The following POLDIP2 variants were observed in gnomAD, a reference collection of about 807,000 sequenced individuals.
The protein encoded by POLDIP2 is polymerase delta-interacting protein 2.
In POLDIP2, 32 loss-of-function variants were observed where a neutral mutation model predicts 52.9. That is an observed-to-expected ratio of 0.61 (90% CI 0.46 to 0.81). POLDIP2 has a LOEUF of 0.81. Ranked by LOEUF, POLDIP2 falls within the 40% of genes least tolerant of loss-of-function variation. POLDIP2 has a pLI of 0.00. For synonymous variants in POLDIP2, 183 were observed against 183.0 expected, an observed-to-expected ratio of 1.00 and a Z score of 0.00; for missense variants, 371 against 477.3, an observed-to-expected ratio of 0.78 and a Z score of 2.07.
intron 6 of POLDIP2, among the ~76,000 whole-genome samples, 167 bp downstream of exon 6, chr17:28,352,745 G>C (rs187384321): frequency 1.4e-3 from 208 of 151,580 alleles, no homozygotes; most frequent in African/African-American, 4.7e-3. Context: ...CACCAGGTTG[G>C]CCAGGCCAGT....
chr17:28,356,681 C>T (rs1476642099), intron 1 of POLDIP2, among the ~76,000 whole-genome samples: 2 of 152,202 alleles, frequency 1.3e-5, no homozygotes, highest in Non-Finnish European at 2.9e-5. Flanking sequence ...TCTAGGGGCC[C>T]TTCAAATAAA....
At chr17:28,353,519 T>TAAAAAAAAAAA (rs1907896045) in intron 4 of POLDIP2, among the ~76,000 whole-genome samples, 176 bp downstream of exon 4, 1 of 1,794 alleles carries the variant, frequency 5.6e-4, no homozygotes, top group Non-Finnish European at 8.9e-4. Context: ...AGACTCCATA[T>TAAAAAAAAAAA]CAAAAAAAAA....
intron 1 of POLDIP2, among the ~76,000 whole-genome samples, chr17:28,356,140 C>T (rs547151161): frequency 2.4e-4 from 36 of 151,932 alleles, no homozygotes; most frequent in African/African-American, 8.2e-4. Flanking sequence ...TCACACTCTG[C>T]TCAAATGTAC....
In POLDIP2 at chr17:28,348,025, C is replaced by G. The variant is rs1050827441; in HGVS notation, c.*92G>C. On this transcript the variant is annotated 3_prime_UTR_variant, in exon 11 of 11. Coordinates refer to ENST00000540200, the MANE Select transcript of POLDIP2 (RefSeq NM_015584.5). ...ATCAAATTAAGAGACCCACTGTGGCCCATGATGGGGAGAGAAGAGTTCTGC... is the reference window on the plus strand; with the variant it reads ...ATCAAATTAAGAGACCCACTGTGGCGCATGATGGGGAGAGAAGAGTTCTGC... 1.4e-6 allele frequency: 1 copy of G among 735,240 alleles called. No homozygotes were observed. The highest frequency in any genetic ancestry group is 1.8e-5 in the African/African-American group (1 of 56,662). The allele number at this position is 735,240 out of a possible 1,614,324, so 45.5% of individuals were successfully genotyped here. A position where few individuals can be genotyped will look rare whatever the true frequency, so the allele number is the denominator to read the frequency against.
At chr17:28,357,178 A>G in intron 1 of POLDIP2, 110 bp downstream of exon 1, 1 of 1,051,576 alleles carries the variant, frequency 9.5e-7, no homozygotes, top group Non-Finnish European at 1.3e-6. Context: ...CTCCCGGGTC[A>G]AACTCCAGTC....
Position 28,354,518 on chromosome 17 carries a change from T to A in POLDIP2, c.311A>T (p.Asp104Val), listed in dbSNP as rs868926006. 1.9e-6 allele frequency: 3 copies of A among 1,560,038 alleles called. No homozygotes were observed. Among genetic ancestry groups the A allele is most frequent in the African/African-American group, 1.4e-5 (1 of 73,454 alleles). Reference sequence around the variant, plus strand: ...TGGAGCTGCAGAAGCCACATCCCGGTCATACAGTCTGGCCTGCCAGGGAAA... The same window carrying A: ...TGGAGCTGCAGAAGCCACATCCCGGACATACAGTCTGGCCTGCCAGGGAAA... ...VLFPWQARLYDRDVASAAPEK... is the reference protein window; with the variant it reads ...VLFPWQARLYVRDVASAAPEK... Residue 104 changes from aspartate (D) to valine (V), a missense_variant, in exon 3 of 11, where the codon GAC becomes GTC. Asp to Val is a radical substitution (Grantham distance 152, BLOSUM62 -3). Coordinates refer to ENST00000540200, the MANE Select transcript of POLDIP2 (RefSeq NM_015584.5).
chr17:28,352,911 C>A lies in POLDIP2; in HGVS notation c.622+1G>T. 1 of 1,566,996 alleles carries A rather than the reference C, an allele frequency of 6.4e-7. No homozygotes were observed. The highest frequency in any genetic ancestry group is 8.8e-7 in the Non-Finnish European group (1 of 1,137,670). ...CACCTCCCCTTCTTGAGAGAGATTA[C>A]CTTTTGTCTGGTCATACAGAAGAAA... On this transcript the variant is annotated splice_donor_variant, in intron 6 of 10. Transcript: ENST00000540200. LOFTEE classifies it high-confidence loss of function.
At chr17:28,352,632 G>A (rs1907850768) in intron 6 of POLDIP2, among the ~76,000 whole-genome samples, 1 of 148,830 alleles carries the variant, frequency 6.7e-6, no homozygotes, top group African/African-American at 2.5e-5. Context: ...CCACCCTCCT[G>A]GGTTCAAGTG....
Position 28,355,241 on chromosome 17 carries a change from T to C in POLDIP2, c.243+554A>G, listed in dbSNP as rs544736275. On this transcript the variant is annotated intron_variant, in intron 2 of 10. Coordinates refer to ENST00000540200, the MANE Select transcript of POLDIP2 (RefSeq NM_015584.5). ...ATAGTCCACACCATCCCTGTCCACA[T>C]TAACTTGGAAAGAGAACCCACTGAC... is the stretch of plus-strand genomic sequence containing the variant. Among the ~76,000 whole-genome samples the C allele has an allele frequency of 2.6e-5, 4 of 152,342 alleles. No individual in the cohort carries two copies. The South Asian group carries it at 8.3e-4, about 32-fold the overall frequency.
intron 2 of POLDIP2, among the ~76,000 whole-genome samples, chr17:28,355,130 A>G (rs1219533947): frequency 1.3e-5 from 2 of 152,238 alleles, no homozygotes; most frequent in East Asian, 3.8e-4. Flanking sequence ...AAAGCATCAA[A>G]GGTATACTTT....
At position 28,351,698 on chromosome 17, in the gene POLDIP2, C is replaced by T. The variant is rs1340762150; in HGVS notation, c.725G>A (p.Arg242His). 2.5e-6 allele frequency: 4 copies of T among 1,613,764 alleles called. No individual in the cohort carries two copies. The highest frequency in any genetic ancestry group is 3.4e-6 in the Non-Finnish European group (4 of 1,179,832). ...CATGTAGAAGGGGATGACAGTGACA[C>T]GTATGTTCTCAGTTGTTTCCCGATG... Reference protein sequence around the residue: ...DVHRETTENIRVTVIPFYMGM... With the variant: ...DVHRETTENIHVTVIPFYMGM... Residue 242 changes from arginine (R) to histidine (H), a missense_variant, in exon 7 of 11, where the codon CGT (arginine) becomes CAT (histidine). Arg to His is a conservative substitution (Grantham distance 29). Coordinates refer to ENST00000540200, the MANE Select transcript of POLDIP2 (RefSeq NM_015584.5).
rs782139517 is a variant in POLDIP2 at position 28,351,800 on chromosome 17, G to A, written c.623C>T (p.Ala208Val). 1.2e-6 allele frequency: 2 copies of A among 1,613,402 alleles called. No homozygotes were observed. Among genetic ancestry groups the A allele is most frequent in the African/African-American group, 1.3e-5 (1 of 75,052 alleles). The change falls in exon 7 of 11, where the codon GCA (alanine) becomes GTA (valine). Residue 208 changes from alanine (A) to valine (V), a missense_variant and splice_region_variant. Coordinates refer to ENST00000540200, the MANE Select transcript of POLDIP2 (RefSeq NM_015584.5). ...ERFLLYDQTKAPPFVARETLR... is the reference protein window; with the variant it reads ...ERFLLYDQTKVPPFVARETLR... The stretch of plus-strand genomic sequence containing the variant: ...CGTCTCCCGAGCCACAAAAGGAGGT[G>A]CTGGGGCAAGATACAATTGGTTAGT...
intron 8 of POLDIP2, 22 bp from the exon 9 acceptor site, chr17:28,350,585 G>C: frequency 6.2e-7 from 1 of 1,600,592 alleles, no homozygotes; most frequent in Non-Finnish European, 8.5e-7. Flanking sequence ...GTGGGAGAGA[G>C]AGTTTAAAAA....
chr17:28,348,433 T>C (rs549828384), intron 10 of POLDIP2, among the ~76,000 whole-genome samples: 2 of 152,250 alleles, frequency 1.3e-5, no homozygotes, highest in African/African-American at 4.8e-5. Flanking sequence ...ACAGCTGCAG[T>C]GGCTCACGCC....
chr17:28,353,706 A>C lies in POLDIP2; in HGVS notation c.427T>G (p.Cys143Gly). 1 of 1,610,540 alleles carries C rather than the reference A, an allele frequency of 6.2e-7. No homozygotes were observed. Among genetic ancestry groups the C allele is most frequent in the South Asian group, 1.1e-5 (1 of 91,010 alleles). Residue 143 changes from cysteine (C) to glycine (G), a missense_variant, in exon 4 of 11, where the codon TGC (cysteine) becomes GGC (glycine). Cys to Gly is a radical substitution (Grantham distance 159, BLOSUM62 -3). Transcript: ENST00000540200. ...YYQVLIDARD[C>G]PHISQRSQTE... ...TCTTGCTTACTTACTATATGTGGGC[A>C]GTCACGAGCATCAATCAGCACCTGA...
chr17:28,355,778 C>T lies in POLDIP2; in HGVS notation c.243+17G>A. On this transcript the variant is annotated intron_variant, in intron 2 of 10. Transcript: ENST00000540200. ...AGCACTCTATGAAAATGAAAGATGA[C>T]CCAGCCCAATACTCACCTGCCCGGT... The T allele has an allele frequency of 1.3e-6, 2 of 1,596,288 alleles. No individual in the cohort carries two copies. Among genetic ancestry groups the T allele is most frequent in the East Asian group, 4.5e-5 (2 of 44,606 alleles).
At position 28,357,375 on chromosome 17, in the gene POLDIP2, C is replaced by T. The variant is rs370572443; in HGVS notation, c.74G>A (p.Arg25Gln). Residue 25 changes from arginine (R) to glutamine (Q), a missense_variant, in exon 1 of 11, where the codon CGG (arginine) becomes CAG (glutamine). Physicochemically the swap from Arg to Gln is conservative, Grantham distance 43 (BLOSUM62 1). Transcript: ENST00000540200. ...RWWSRSLTGA[R>Q]WPRPLCAAAG... The stretch of plus-strand genomic sequence containing the variant: ...CGCCGCACAGAGCGGCCTTGGCCAC[C>T]GGGCCCCAGTCAGCGACCGGGACCA... 537 of 1,546,388 alleles carry T rather than the reference C, an allele frequency of 3.5e-4. 3 individuals carry two copies. The African/African-American group carries it at 7.0e-3, about 20-fold the overall frequency.
At position 28,357,472 on chromosome 17, in the gene POLDIP2, C is replaced by T. The variant is rs1273146362; in HGVS notation, c.-24G>A. On this transcript the variant is annotated 5_prime_UTR_variant, in exon 1 of 11. Coordinates refer to ENST00000540200, the MANE Select transcript of POLDIP2 (RefSeq NM_015584.5). Reference sequence around the variant, plus strand: ...ATGTCCCGCCCGAGCGCCCGCCCGGCTGCTGACACAGAGCCCGACCCGCGG... The same window carrying T: ...ATGTCCCGCCCGAGCGCCCGCCCGGTTGCTGACACAGAGCCCGACCCGCGG... The T allele has an allele frequency of 3.5e-6, 5 of 1,427,726 alleles. No homozygotes were observed. Among genetic ancestry groups the T allele is most frequent in the African/African-American group, 3.0e-5 (2 of 66,406 alleles). The allele number at this position is 1,427,726 out of a possible 1,614,324, so 88.4% of individuals were successfully genotyped here. A position where few individuals can be genotyped will look rare whatever the true frequency, so the allele number is the denominator to read the frequency against.
rs1311113960 is a variant in POLDIP2 at position 28,347,756 on chromosome 17, G to T, written c.*361C>A. The T allele has an allele frequency of 5.2e-6, 1 of 190,478 alleles. No homozygotes were observed. Among genetic ancestry groups the T allele is most frequent in the Non-Finnish European group, 1.1e-5 (1 of 92,026 alleles). 11.8% of individuals were successfully genotyped at this position (190,478 alleles called of 1,614,324 possible). On this transcript the variant is annotated 3_prime_UTR_variant, in exon 11 of 11. Transcript: ENST00000540200. The stretch of plus-strand genomic sequence containing the variant: ...GGGCGCACACTGGGTCAGAAGGGGA[G>T]CCTGAGACTCTGGGAGCAGAAATGG...
Sources: allele counts gnomAD v4.1 joint callset (sites outside exome capture counted in the v4.1 genomes callset), GRCh38; gene constraint gnomAD v4.1.1; transcripts MANE v1.5; gene names NCBI Gene and HGNC (gene_info 2026-07-23, HGNC 2026-07-21).